Variants in PPP2R2B observed in about 807,000 individuals in gnomAD.
PPP2R2B encodes serine/threonine-protein phosphatase 2A 55 kDa regulatory subunit B beta isoform.
PPP2R2B carries 5 observed loss-of-function variants against 46.0 expected under a neutral mutation model. That is an observed-to-expected ratio of 0.11 (90% CI 0.06 to 0.23). The LOEUF (loss-of-function observed/expected upper bound fraction) is 0.23, where lower values mean the gene tolerates loss of function less well. PPP2R2B is among the 10% of genes least tolerant of loss of function. PPP2R2B has a pLI of 1.00. For missense variants in PPP2R2B, 367 were observed against 575.0 expected (o/e 0.64, Z 3.70); for synonymous variants, 215 against 206.7 (o/e 1.04, Z -0.34).
At chr5:146,618,370 A>G (rs751989786) in intron 7 of PPP2R2B, among the ~76,000 whole-genome samples, 31 of 152,238 alleles carry the variant, frequency 2.0e-4, no homozygotes, top group Non-Finnish European at 2.2e-4. Flanking sequence ...AAAGGAGCAC[A>G]GCCCTGCTGA....
At chr5:146,642,273 T>G (rs1775273307) in intron 6 of PPP2R2B, among the ~76,000 whole-genome samples, 1 of 152,104 alleles carries the variant, frequency 6.6e-6, no homozygotes, top group African/African-American at 2.4e-5. Context: ...GGTCACTCCT[T>G]AAGGGATCCA....
At chr5:146,889,918 C>T (rs1272930923) in intron 1 of PPP2R2B, among the ~76,000 whole-genome samples, 1 of 152,204 alleles carries the variant, frequency 6.6e-6, no homozygotes. Context: ...TCTAGCCCGT[C>T]ATTTTGCTGA....
At chr5:146,698,702 CA>C (rs1779357448) in intron 3 of PPP2R2B, among the ~76,000 whole-genome samples, 1 of 151,438 alleles carries the variant, frequency 6.6e-6, no homozygotes, top group Non-Finnish European at 1.5e-5. Context: ...CCCTAGGTCT[CA>C]CAGCTCATAA....
intron 1 of PPP2R2B, among the ~76,000 whole-genome samples, chr5:146,963,608 A>G (rs1335768118): frequency 1.3e-5 from 2 of 152,130 alleles, no homozygotes; most frequent in African/African-American, 4.8e-5. Context: ...CTGAACATAT[A>G]CGGCACCTTC....
At chr5:146,662,151 G>T (rs930882046) in intron 5 of PPP2R2B, among the ~76,000 whole-genome samples, 2 of 152,048 alleles carry the variant, frequency 1.3e-5, no homozygotes, top group Non-Finnish European at 2.9e-5. Context: ...ATTTATTACC[G>T]TGGAATATAC....
At chr5:146,967,197 G>A (rs917735960) in intron 1 of PPP2R2B, among the ~76,000 whole-genome samples, 3 of 152,042 alleles carry the variant, frequency 2.0e-5, no homozygotes, top group Non-Finnish European at 2.9e-5. Flanking sequence ...TTCTTAATTC[G>A]GTCCTGGAAA....
At chr5:146,718,230 A>T (rs1437792695) in intron 2 of PPP2R2B, among the ~76,000 whole-genome samples, 1 of 152,094 alleles carries the variant, frequency 6.6e-6, no homozygotes, top group Non-Finnish European at 1.5e-5. Flanking sequence ...TCTACAAAAA[A>T]TACAAAGATT....
At chr5:146,765,094 CTTTTTT>C (rs921829159) in intron 2 of PPP2R2B, among the ~76,000 whole-genome samples, 3 of 152,218 alleles carry the variant, frequency 2.0e-5, no homozygotes, top group Non-Finnish European at 2.9e-5. Flanking sequence ...AATGTATCTT[CTTTTTT>C]AAGTTCCAAA....
intron 2 of PPP2R2B, among the ~76,000 whole-genome samples, chr5:146,776,836 G>T (rs1755213069): frequency 6.6e-6 from 1 of 151,976 alleles, no homozygotes; most frequent in Non-Finnish European, 1.5e-5. Context: ...AATGGGCAAA[G>T]GAATTGAATA....
chr5:147,014,552 A>G (rs1383497461), intron 1 of PPP2R2B, among the ~76,000 whole-genome samples: 1 of 152,176 alleles, frequency 6.6e-6, no homozygotes, highest in Non-Finnish European at 1.5e-5. Flanking sequence ...AATACTATGC[A>G]GCCATAAAAA....
rs761843336 is a variant in PPP2R2B, at chr5:146,861,129, C to T, written c.70+16873G>A. Among the ~76,000 whole-genome samples the T allele has an allele frequency of 9.5e-5, 14 of 148,132 alleles. 1 individual carries two copies. The highest frequency in any genetic ancestry group is 3.5e-3 in the Middle Eastern group (1 of 284). ...GGAGTGCAGTGGCGCGATCTCGGCT[C>T]ATTGCAACCTCTGACTCCCAGGTTC... is the stretch of plus-strand genomic sequence containing the variant. On this transcript the variant is annotated intron_variant, in intron 2 of 9. Transcript: ENST00000394411.
At chr5:146,877,095 G>A (rs1218527742) in intron 2 of PPP2R2B, among the ~76,000 whole-genome samples, 1 of 151,976 alleles carries the variant, frequency 6.6e-6, no homozygotes, top group East Asian at 1.9e-4. Context: ...AGGCCTACAG[G>A]TAGAAAATGA....
chr5:146,600,787 T>G (rs1253266036), intron 7 of PPP2R2B, among the ~76,000 whole-genome samples: 2 of 152,190 alleles, frequency 1.3e-5, no homozygotes, highest in African/African-American at 4.8e-5. Flanking sequence ...CATGTTAAGA[T>G]AGTTAAAAAA....
chr5:146,887,861 T>C (rs1036960547), intron 1 of PPP2R2B, among the ~76,000 whole-genome samples: 4 of 152,224 alleles, frequency 2.6e-5, no homozygotes, highest in African/African-American at 9.6e-5. Context: ...GAACCATTAG[T>C]AGTCTTTTAG....
intron 1 of PPP2R2B, among the ~76,000 whole-genome samples, chr5:146,896,900 A>G (rs1762662003): frequency 6.6e-6 from 1 of 152,186 alleles, no homozygotes; most frequent in Non-Finnish European, 1.5e-5. Context: ...GTTCCAGGAT[A>G]TAGAAGTGGA....
intron 1 of PPP2R2B, among the ~76,000 whole-genome samples, chr5:146,958,321 A>G (rs1261653225): frequency 6.6e-6 from 1 of 152,124 alleles, no homozygotes; most frequent in Non-Finnish European, 1.5e-5. Context: ...AAAGCCTTCA[A>G]TCCCAGAGAG....
intron 9 of PPP2R2B, chr5:146,591,997 C>A: frequency 3.2e-6 from 1 of 316,808 alleles, no homozygotes; most frequent in South Asian, 2.9e-5. Flanking sequence ...AGAGGAAAAA[C>A]TTGAGCAATA....
intron 1 of PPP2R2B, among the ~76,000 whole-genome samples, chr5:146,918,963 C>A (rs1763495582): frequency 6.6e-6 from 1 of 152,194 alleles, no homozygotes; most frequent in Non-Finnish European, 1.5e-5. Flanking sequence ...TCTACTAATT[C>A]ACAGTTGTTT....
At chr5:146,826,257 A>G (rs1758571955) in intron 2 of PPP2R2B, among the ~76,000 whole-genome samples, 1 of 152,198 alleles carries the variant, frequency 6.6e-6, no homozygotes, top group South Asian at 2.1e-4. Context: ...AAAACTTGAC[A>G]TCGGATTATT....
Sources: gnomAD v4.1 joint callset for allele counts (sites outside exome capture counted in the v4.1 genomes callset) on GRCh38, gnomAD v4.1.1 for gene constraint, MANE v1.5 for transcripts, NCBI Gene and HGNC (gene_info 2026-07-23, HGNC 2026-07-21) for gene names.